SLC38A1: variants seen among roughly 807,000 people sequenced by gnomAD.
The protein encoded by SLC38A1 is sodium-coupled neutral amino acid symporter 1.
In SLC38A1, 18 loss-of-function variants were observed where a neutral mutation model predicts 60.3. The observed-to-expected ratio is 0.30, with a 90% CI of 0.21 to 0.44. The LOEUF is 0.44. Among genes scored for constraint, SLC38A1 ranks in the 20% least tolerant of loss-of-function variants. The probability of loss-of-function intolerance (pLI) is 1.00; values close to 1 mark genes in which losing one functional copy is unlikely to be tolerated. For missense variants in SLC38A1, 448 were observed against 587.2 expected (o/e 0.76, Z 2.45); for synonymous variants, 196 against 212.1 (o/e 0.92, Z 0.66).
Position 46,186,871 on chromosome 12 carries a change from C to A in SLC38A1, c.*2099G>T, listed in dbSNP as rs1938956017. On this transcript the variant is annotated 3_prime_UTR_variant, in exon 17 of 17. Transcript: ENST00000398637. ...AAAGTAGCATAATATAGCTTGCAAA[C>A]TAAATTATGTATTTTTAAAGGTACA... 6.6e-6 allele frequency: 1 copy of A among 152,156 alleles called. No individual in the cohort carries two copies. Among genetic ancestry groups the A allele is most frequent in the Admixed American group, 6.5e-5 (1 of 15,276 alleles). The allele number at this position is 152,156 out of a possible 1,614,324, so 9.4% of individuals were successfully genotyped here.
chr12:46,258,469 A>G (rs1942101074), intron 1 of SLC38A1, among the ~76,000 whole-genome samples: 1 of 152,186 alleles, frequency 6.6e-6, no homozygotes. Flanking sequence ...CACCTTACAA[A>G]CATACCCTAA....
chr12:46,211,096 T>C (rs1940148484), intron 5 of SLC38A1, among the ~76,000 whole-genome samples: 1 of 152,328 alleles, frequency 6.6e-6, no homozygotes, highest in Admixed American at 6.5e-5. Context: ...GCAATATTTA[T>C]GTCAAAGAAG....
At chr12:46,261,425 C>CAT (rs1942193179) in intron 1 of SLC38A1, among the ~76,000 whole-genome samples, 2 of 152,128 alleles carry the variant, frequency 1.3e-5, no homozygotes. Flanking sequence ...GGACAAGGAC[C>CAT]ATACATCTCA....
chr12:46,188,911 C>A lies in SLC38A1; in HGVS notation c.*59G>T, dbSNP rs1180382278. 46 of 1,349,082 alleles carry A rather than the reference C, an allele frequency of 3.4e-5. No homozygotes were observed. Among genetic ancestry groups the A allele is most frequent in the Non-Finnish European group, 4.8e-5 (45 of 947,292 alleles). 83.6% of individuals were successfully genotyped at this position (1,349,082 alleles called of 1,614,324 possible). A position where few individuals can be genotyped will look rare whatever the true frequency, so the allele number is the denominator to read the frequency against. ...TTGCAAAAGAAGTGGTGAGAGATTGCTGATGTGTGGGGACTTGACTGAGCA... is the reference window on the plus strand; with the variant it reads ...TTGCAAAAGAAGTGGTGAGAGATTGATGATGTGTGGGGACTTGACTGAGCA... On this transcript the variant is annotated 3_prime_UTR_variant, in exon 17 of 17. Transcript: ENST00000398637.
intron 1 of SLC38A1, among the ~76,000 whole-genome samples, chr12:46,252,712 G>C (rs536133787): frequency 1.4e-4 from 22 of 151,888 alleles, no homozygotes; most frequent in Admixed American, 3.3e-4. Context: ...ATTGTTGTAT[G>C]GCCTTCCATG....
At chr12:46,235,226 A>G (rs1238530806) in intron 3 of SLC38A1, among the ~76,000 whole-genome samples, 1 of 152,248 alleles carries the variant, frequency 6.6e-6, no homozygotes, top group Non-Finnish European at 1.5e-5. Context: ...AACAGTAACA[A>G]TCTAATTAAG....
At chr12:46,206,954 T>C (rs890469934) in intron 8 of SLC38A1, among the ~76,000 whole-genome samples, 2 of 152,206 alleles carry the variant, frequency 1.3e-5, no homozygotes, top group African/African-American at 4.8e-5. Flanking sequence ...ACAAATCTAC[T>C]TTTCAAATGT....
intron 5 of SLC38A1, among the ~76,000 whole-genome samples, chr12:46,219,578 C>T (rs1313360250): frequency 1.3e-5 from 2 of 152,128 alleles, no homozygotes; most frequent in African/African-American, 4.8e-5. Context: ...GAGAACAAAG[C>T]AAAACTAACT....
intron 6 of SLC38A1, 48 bp from the exon 7 acceptor site, chr12:46,207,669 A>C: frequency 6.5e-7 from 1 of 1,532,382 alleles, no homozygotes; most frequent in African/African-American, 1.4e-5. Flanking sequence ...AGGGTTCAGA[A>C]AGTTAAAATA....
intron 3 of SLC38A1, among the ~76,000 whole-genome samples, chr12:46,230,689 C>A (rs1371202075): frequency 6.6e-6 from 1 of 152,192 alleles, no homozygotes; most frequent in African/African-American, 2.4e-5. Context: ...AAAATGCTTT[C>A]TTTAAGAATC....
In SLC38A1 at chr12:46,206,166, A is replaced by C; in HGVS notation, c.564-4T>G. 3.8e-6 allele frequency: 6 copies of C among 1,597,984 alleles called. No individual in the cohort carries two copies. Among genetic ancestry groups the C allele is most frequent in the Non-Finnish European group, 5.1e-6 (6 of 1,168,186 alleles). On this transcript the variant is annotated splice_region_variant and splice_polypyrimidine_tract_variant and intron_variant, in intron 8 of 16. Coordinates refer to ENST00000398637, the MANE Select transcript of SLC38A1 (RefSeq NM_030674.4). Reference sequence around the variant, plus strand: ...GCGGCCATCCACGTACCAGGCTCTGAAAGGCATTTAAGTGATTAGGTTATA... The same window carrying C: ...GCGGCCATCCACGTACCAGGCTCTGCAAGGCATTTAAGTGATTAGGTTATA...
intron 3 of SLC38A1, among the ~76,000 whole-genome samples, chr12:46,235,928 G>A (rs1941243252): frequency 6.6e-6 from 1 of 152,178 alleles, no homozygotes; most frequent in Non-Finnish European, 1.5e-5. Context: ...ATCTACTAAT[G>A]TTTCACCAAA....
In SLC38A1 at chr12:46,268,981, C is replaced by G. The variant is rs558655086; in HGVS notation, c.-664G>C. 6.7e-5 allele frequency: 27 copies of G among 400,330 alleles called. No individual in the cohort carries two copies. The highest frequency in any genetic ancestry group is 4.2e-4 in the South Asian group (24 of 57,220). The allele number at this position is 400,330 out of a possible 1,614,324, so 24.8% of individuals were successfully genotyped here. ...TTAACGCGGACAGGCCATTCCTCCC[C>G]GTCCCGCGCGCGGTCTCCTCCCCTC... On this transcript the variant is annotated 5_prime_UTR_variant, in exon 1 of 17. Transcript: ENST00000398637. This position sits in a 1 kb window ranked among gnomAD's most constrained non-coding sequence, Gnocchi z 4.4.
At position 46,188,058 on chromosome 12, in the gene SLC38A1, C is replaced by T. The variant is rs1385254826; in HGVS notation, c.*912G>A. ...TATAATGTACTAAAACATTTTTCTC[C>T]CTTCAGCAAGACAGGTAGGGTTGAA... On this transcript the variant is annotated 3_prime_UTR_variant, in exon 17 of 17. Coordinates refer to ENST00000398637, the MANE Select transcript of SLC38A1 (RefSeq NM_030674.4). 1 of 152,038 alleles carries T rather than the reference C, an allele frequency of 6.6e-6. No homozygotes were observed. The highest frequency in any genetic ancestry group is 2.4e-5 in the African/African-American group (1 of 41,380). 9.4% of individuals were successfully genotyped at this position (152,038 alleles called of 1,614,324 possible).
intron 5 of SLC38A1, 129 bp from the exon 6 acceptor site, chr12:46,209,256 C>A: frequency 1.8e-6 from 1 of 559,470 alleles, no homozygotes; most frequent in South Asian, 2.6e-5. Flanking sequence ...ATTTTGGAAC[C>A]TATTAGTCAT....
chr12:46,211,415 T>C (rs555465580), intron 5 of SLC38A1, among the ~76,000 whole-genome samples: 1 of 152,330 alleles, frequency 6.6e-6, no homozygotes, highest in East Asian at 1.9e-4. Context: ...ATTATGAATA[T>C]CTACACAATT....
chr12:46,235,215 C>T lies in SLC38A1; in HGVS notation c.122+4464G>A, dbSNP rs1206719854. Among the ~76,000 whole-genome samples the T allele has an allele frequency of 2.0e-5, 3 of 152,212 alleles. No individual in the cohort carries two copies. The East Asian group carries it at 5.8e-4, about 29-fold the overall frequency. ...CTGTTATTTAAAACCAGAAACAAATCAACAGTAACAATCTAATTAAGGATG... is the reference window on the plus strand; with the variant it reads ...CTGTTATTTAAAACCAGAAACAAATTAACAGTAACAATCTAATTAAGGATG... On this transcript the variant is annotated intron_variant, in intron 3 of 16. Transcript: ENST00000398637.
intron 11 of SLC38A1, 40 bp downstream of exon 11, chr12:46,204,261 A>T (rs1294865396): frequency 7.9e-7 from 1 of 1,264,026 alleles, no homozygotes; most frequent in Admixed American, 1.7e-5. Flanking sequence ...TGTCCTTAAT[A>T]AAAATGCTTG....
At chr12:46,239,627 G>A (rs1565784454) in intron 3 of SLC38A1, 52 bp downstream of exon 3, 7 of 1,604,068 alleles carry the variant, frequency 4.4e-6, no homozygotes, top group Middle Eastern at 1.8e-4. Flanking sequence ...ACAGGTGTGA[G>A]CCACGAGCCA....
Sources: allele counts gnomAD v4.1 joint callset (sites outside exome capture counted in the v4.1 genomes callset), GRCh38; gene constraint gnomAD v4.1.1; non-coding constraint Gnocchi (gnomAD v3.1); transcripts MANE v1.5; gene names NCBI Gene and HGNC (gene_info 2026-07-23, HGNC 2026-07-21).